Variants in ECPAS observed in about 807,000 individuals in gnomAD.
ECPAS encodes Ecm29 proteasome adaptor and scaffold, also known as proteasome adapter and scaffold protein ECM29.
Under a neutral mutation model 255.1 loss-of-function variants are expected in ECPAS, and 70 were observed. That is an observed-to-expected ratio of 0.27 (90% confidence interval 0.23 to 0.33). ECPAS has a LOEUF of 0.33. Among genes scored for constraint, ECPAS ranks in the 10% least tolerant of loss-of-function variants. The pLI is 1.00. For missense variants in ECPAS, 1,817 were observed against 2,206.4 expected, an observed-to-expected ratio of 0.82 and a Z score of 3.54; for synonymous variants, 784 against 775.0, an observed-to-expected ratio of 1.01 and a Z score of -0.19.
At chr9:111,392,133 G>C (rs569611252) in intron 28 of ECPAS, among the ~76,000 whole-genome samples, 4 of 151,990 alleles carry the variant, frequency 2.6e-5, no homozygotes, top group Admixed American at 2.6e-4. Flanking sequence ...CCAGCTACTC[G>C]GGAGGCTGAG....
Position 111,422,049 on chromosome 9 carries a change from A to T in ECPAS, c.1333-6T>A. On this transcript the variant is annotated splice_region_variant and splice_polypyrimidine_tract_variant and intron_variant, in intron 14 of 49. Coordinates refer to ENST00000684092, the MANE Select transcript of ECPAS (RefSeq NM_001364929.1). ...AGTCGAGTCTCAGGCTCTTCCTATA[A>T]AGATGATAAAAATGTTTCCCTCCTT... 1 of 1,613,590 alleles carries T rather than the reference A, an allele frequency of 6.2e-7. No homozygotes were observed. The highest frequency in any genetic ancestry group is 8.5e-7 in the Non-Finnish European group (1 of 1,179,734).
chr9:111,458,768 T>C (rs1399382194), intron 2 of ECPAS, among the ~76,000 whole-genome samples: 1 of 152,202 alleles, frequency 6.6e-6, no homozygotes, highest in Non-Finnish European at 1.5e-5. Flanking sequence ...TGATCAGCAG[T>C]GCATTGTGTG....
At chr9:111,398,508 A>G (rs1360348347) in intron 24 of ECPAS, among the ~76,000 whole-genome samples, 1 of 152,212 alleles carries the variant, frequency 6.6e-6, no homozygotes, top group Non-Finnish European at 1.5e-5. Flanking sequence ...ATGGGGATTC[A>G]TTATATTATT....
chr9:111,433,366 A>G lies in ECPAS; in HGVS notation c.715T>C (p.Leu239=), dbSNP rs1564542709. The G allele has an allele frequency of 6.2e-7, 1 of 1,613,818 alleles. No homozygotes were observed. Among genetic ancestry groups the G allele is most frequent in the South Asian group, 1.1e-5 (1 of 91,078 alleles). Residue 239 remains leucine, a synonymous_variant, in exon 8 of 50, where the codon TTG becomes CTG. Transcript: ENST00000684092. ...GCTTCTATGAATTTCACGATTCCCAATTTGCACTGTAGATAAATGAAGGGA... is the reference window on the plus strand; with the variant it reads ...GCTTCTATGAATTTCACGATTCCCAGTTTGCACTGTAGATAAATGAAGGGA... ...WTPEQLEQCK[L]GIVKFIEAEQ...
At chr9:111,424,511 T>C (rs1423641198) in intron 12 of ECPAS, among the ~76,000 whole-genome samples, 1 of 152,160 alleles carries the variant, frequency 6.6e-6, no homozygotes, top group African/African-American at 2.4e-5. Flanking sequence ...CTTGAAATAT[T>C]ACCTTTTTAA....
intron 2 of ECPAS, among the ~76,000 whole-genome samples, chr9:111,453,081 C>CA (rs940011973): frequency 1.2e-4 from 18 of 151,334 alleles, no homozygotes; most frequent in East Asian, 3.9e-4. Flanking sequence ...CCCATCTCTA[C>CA]AAAAAAAAGG....
At chr9:111,378,453 C>A in intron 36 of ECPAS, 127 bp downstream of exon 36, 1 of 934,786 alleles carries the variant, frequency 1.1e-6, no homozygotes, top group Non-Finnish European at 1.5e-6. Flanking sequence ...AACAGTAAAA[C>A]ACTGCATGTG....
At chr9:111,393,539 C>G in intron 27 of ECPAS, 141 bp downstream of exon 27, 1 of 619,218 alleles carries the variant, frequency 1.6e-6, no homozygotes, top group Non-Finnish European at 2.8e-6. Flanking sequence ...AATGCTTATC[C>G]TTACTACTAA....
chr9:111,380,677 T>C (rs951221568), intron 35 of ECPAS, among the ~76,000 whole-genome samples: 7 of 152,240 alleles, frequency 4.6e-5, no homozygotes, highest in Non-Finnish European at 7.3e-5. Flanking sequence ...TTCATCTCCA[T>C]TGAAAATCTG....
Position 111,373,980 on chromosome 9 carries a change from G to C in ECPAS, c.4169C>G (p.Pro1390Arg). The C allele has an allele frequency of 6.2e-7, 1 of 1,611,956 alleles. No homozygotes were observed. The part of the protein sequence containing the change: ...LTTQCPQDLT[P>R]YSGKLMSALL... Reference sequence around the variant, plus strand: ...TCCCTTGACAAACTCACCTGAGTAAGGTGTTAGGTCCTGAGGACACTGAGT... The same window carrying C: ...TCCCTTGACAAACTCACCTGAGTAACGTGTTAGGTCCTGAGGACACTGAGT... Residue 1390 changes from proline to arginine, a missense_variant, in exon 39 of 50, where the codon CCT (proline) becomes CGT (arginine). Around this residue, in one of 4 missense-constraint regions of ECPAS, gnomAD observed 960 missense variants for 1,179.0 expected, o/e 0.81. Coordinates refer to ENST00000684092, the MANE Select transcript of ECPAS (RefSeq NM_001364929.1).
At chr9:111,376,825 G>C (rs1384648073) in intron 36 of ECPAS, among the ~76,000 whole-genome samples, 2 of 152,132 alleles carry the variant, frequency 1.3e-5, no homozygotes, top group Non-Finnish European at 2.9e-5. Context: ...TTGAGCCTGA[G>C]GTTCTCCATC....
intron 4 of ECPAS, among the ~76,000 whole-genome samples, chr9:111,443,050 G>C (rs560121583): frequency 6.6e-6 from 1 of 152,282 alleles, no homozygotes; most frequent in Admixed American, 6.5e-5. Flanking sequence ...TTGGGGCATT[G>C]CAGATTTTGG....
chr9:111,376,337 C>T, intron 37 of ECPAS, 139 bp downstream of exon 37: 1 of 634,276 alleles, frequency 1.6e-6, no homozygotes, highest in Non-Finnish European at 2.8e-6. Flanking sequence ...GAGAAATATA[C>T]TAAGAAAAAA....
chr9:111,420,246 G>T, intron 15 of ECPAS, 126 bp from the exon 16 acceptor site: 1 of 607,120 alleles, frequency 1.6e-6, no homozygotes, highest in South Asian at 2.0e-5. Context: ...ATTCTAAGGT[G>T]ACATTTTAAT....
chr9:111,411,013 C>G lies in ECPAS; in HGVS notation c.2344G>C (p.Glu782Gln), dbSNP rs774525820. The G allele has an allele frequency of 1.2e-6, 2 of 1,613,750 alleles. No individual in the cohort carries two copies. Among genetic ancestry groups the G allele is most frequent in the Admixed American group, 3.3e-5 (2 of 59,996 alleles). The change falls in exon 22 of 50, where the codon GAG (glutamate) becomes CAG (glutamine). Residue 782 changes from glutamate to glutamine, a missense_variant. This residue lies in a region of ECPAS where 194 missense variants were observed against 152.8 expected (regional missense o/e 1.27). Coordinates refer to ENST00000684092, the MANE Select transcript of ECPAS (RefSeq NM_001364929.1). ...TCTGTAGCACTCTGAATGAGTTCCT[C>G]TTGATCAGGGAGGGTGTCAGCATTT... ...ERNADTLPDQ[E>Q]ELIQSATETI...
chr9:111,386,635 A>G (rs1371791254), intron 31 of ECPAS, among the ~76,000 whole-genome samples, 179 bp from the exon 32 acceptor site: 2 of 152,168 alleles, frequency 1.3e-5, no homozygotes, highest in African/African-American at 2.4e-5. Context: ...TGGTCACTAT[A>G]AAGCTGCCAG....
At chr9:111,477,335 C>T (rs2098297610) in intron 1 of ECPAS, among the ~76,000 whole-genome samples, 1 of 152,062 alleles carries the variant, frequency 6.6e-6, no homozygotes, top group Non-Finnish European at 1.5e-5. Flanking sequence ...TGGTCTTGAA[C>T]TCCTGCTCTC....
At chr9:111,388,079 A>C (rs2098153091) in intron 31 of ECPAS, among the ~76,000 whole-genome samples, 2 of 152,222 alleles carry the variant, frequency 1.3e-5, no homozygotes, top group Admixed American at 6.5e-5. Flanking sequence ...TAATGGTAGA[A>C]TCAGTCTTAT....
chr9:111,426,887 T>A (rs1018080383), intron 10 of ECPAS, among the ~76,000 whole-genome samples: 3 of 151,718 alleles, frequency 2.0e-5, no homozygotes, highest in Admixed American at 2.0e-4. Flanking sequence ...GGAGAATCAT[T>A]TGAGCTTGGG....
Sources: gnomAD v4.1 joint callset for allele counts (sites outside exome capture counted in the v4.1 genomes callset) on GRCh38, gnomAD v4.1.1 for gene constraint, gnomAD v4.1.1 regional missense constraint, MANE v1.5 for transcripts, NCBI Gene and HGNC (gene_info 2026-07-23, HGNC 2026-07-21) for gene names.